The following CPTP variants were observed in gnomAD, a reference collection of about 807,000 sequenced individuals.
CPTP encodes the protein GLTP domain-containing protein 1.
A neutral mutation model predicts 5.7 loss-of-function variants in CPTP; 5 were observed. The ratio of observed to expected loss-of-function variants is 0.88; its 90% CI spans 0.46 to 1.86. CPTP has a LOEUF of 1.86. Ranked by LOEUF, CPTP falls within the 40% of genes most tolerant of loss-of-function variation. CPTP has a pLI of 0.01. For synonymous variants in CPTP, 166 were observed against 142.7 expected (o/e 1.16, Z -1.16); for missense variants, 335 against 306.5 (o/e 1.09, Z -0.69).
rs992333350 is a variant in CPTP at position 1,327,977 on chromosome 1, G to A, written c.*214G>A. ...CCACCCTCTCGGTCCGGAACAAGAC[G>A]CCTCGGCCACGGCTCCCCCTCGGCC... On this transcript the variant is annotated 3_prime_UTR_variant, in exon 3 of 3. Coordinates refer to ENST00000343938, the MANE Select transcript of CPTP (RefSeq NM_001029885.2). 2.1e-5 allele frequency: 13 copies of A among 616,332 alleles called. No homozygotes were observed. Among genetic ancestry groups the A allele is most frequent in the African/African-American group, 9.2e-5 (5 of 54,110 alleles). 38.2% of individuals were successfully genotyped at this position (616,332 alleles called of 1,614,324 possible).
intron 1 of CPTP, chr1:1,325,374 C>CT (rs1178935458): frequency 2.0e-5 from 3 of 152,358 alleles, no homozygotes; most frequent in African/African-American, 7.2e-5. Flanking sequence ...AGCCACAGCT[C>CT]TGAGAAGCTC....
In CPTP at chr1:1,327,600, C is replaced by A; in HGVS notation, c.482C>A (p.Ala161Asp). Residue 161 changes from alanine (A) to aspartate (D), a missense_variant, in exon 3 of 3, where the codon GCC becomes GAC. Physicochemically the swap from Ala to Asp is moderately radical, Grantham distance 126. Coordinates refer to ENST00000343938, the MANE Select transcript of CPTP (RefSeq NM_001029885.2). Reference sequence around the variant, plus strand: ...GTCGTGCGCCGCGCCGTCACCGTGGCCTTCTGCACGCTGCCCACACGCGAG... The same window carrying A: ...GTCGTGCGCCGCGCCGTCACCGTGGACTTCTGCACGCTGCCCACACGCGAG... Reference protein sequence around the residue: ...PWVVRRAVTVAFCTLPTREVF... With the variant: ...PWVVRRAVTVDFCTLPTREVF... 6.2e-7 allele frequency: 1 copy of A among 1,611,416 alleles called. No homozygotes were observed. The highest frequency in any genetic ancestry group is 1.3e-5 in the African/African-American group (1 of 75,044).
intron 2 of CPTP, 22 bp downstream of exon 2, chr1:1,327,054 C>A: frequency 6.2e-7 from 1 of 1,612,090 alleles, no homozygotes; most frequent in Non-Finnish European, 8.5e-7. Context: ...AGGGCTGCCT[C>A]CTGAGGTGGG....
At chr1:1,326,764 G>T (rs888980890) in intron 1 of CPTP, 72 bp from the exon 2 acceptor site, 3 of 1,070,136 alleles carry the variant, frequency 2.8e-6, no homozygotes, top group Non-Finnish European at 4.0e-6. Flanking sequence ...CTGGGAGGAA[G>T]CTCCATGAGG....
Position 1,328,198 on chromosome 1 carries a change from C to A in CPTP, c.*435C>A. On this transcript the variant is annotated 3_prime_UTR_variant, in exon 3 of 3. Coordinates refer to ENST00000343938, the MANE Select transcript of CPTP (RefSeq NM_001029885.2). ...TCTCCTTTCTGCCAGCCGATGTGTCCTCATCTCAGGCCCGTGCCTGGGACC... is the reference window on the plus strand; with the variant it reads ...TCTCCTTTCTGCCAGCCGATGTGTCATCATCTCAGGCCCGTGCCTGGGACC... 1 of 243,946 alleles carries A rather than the reference C, an allele frequency of 4.1e-6. No homozygotes were observed. 15.1% of individuals were successfully genotyped at this position (243,946 alleles called of 1,614,324 possible). A position where few individuals can be genotyped will look rare whatever the true frequency, so the allele number is the denominator to read the frequency against.
At position 1,327,921 on chromosome 1, in the gene CPTP, C is replaced by A; in HGVS notation, c.*158C>A. 1.2e-6 allele frequency: 1 copy of A among 846,524 alleles called. No individual in the cohort carries two copies. Among genetic ancestry groups the A allele is most frequent in the Non-Finnish European group, 1.8e-6 (1 of 554,830 alleles). The allele number at this position is 846,524 out of a possible 1,614,324, so 52.4% of individuals were successfully genotyped here. A position where few individuals can be genotyped will look rare whatever the true frequency, so the allele number is the denominator to read the frequency against. ...GCTGGTTAGGAACCACAGACTGTGA[C>A]AGAGAAGGTGGCGACCAGCCCAGAA... On this transcript the variant is annotated 3_prime_UTR_variant, in exon 3 of 3. Coordinates refer to ENST00000343938, the MANE Select transcript of CPTP (RefSeq NM_001029885.2).
At position 1,327,394 on chromosome 1, in the gene CPTP, G is replaced by A. The variant is rs201975981; in HGVS notation, c.276G>A (p.Val92=). The change falls in exon 3 of 3, where the codon GTG becomes GTA. Residue 92 remains valine (V), a synonymous_variant. Coordinates refer to ENST00000343938, the MANE Select transcript of CPTP (RefSeq NM_001029885.2). ...MVAHELSNRL[V]DLERRSHHPE... ...CCCACGAGCTGAGCAACCGGCTGGT[G>A]GACCTGGAGCGCCGCTCCCACCACC... 5.0e-6 allele frequency: 8 copies of A among 1,596,484 alleles called. No individual in the cohort carries two copies. The East Asian group carries it at 1.1e-4, about 22-fold the overall frequency.
intron 1 of CPTP, among the ~76,000 whole-genome samples, chr1:1,326,474 C>T (rs1395673310): frequency 6.6e-6 from 1 of 152,196 alleles, no homozygotes; most frequent in Non-Finnish European, 1.5e-5. Flanking sequence ...TCGGCAGGGG[C>T]TTAGTATTTC....
chr1:1,327,125 C>T (rs1643324393), intron 2 of CPTP, 93 bp downstream of exon 2: 2 of 1,589,316 alleles, frequency 1.3e-6, no homozygotes, highest in Non-Finnish European at 1.7e-6. Flanking sequence ...TCCCCACCAG[C>T]TTTGCTGCCC....
Position 1,327,405 on chromosome 1 carries a change from G to A in CPTP, c.287G>A (p.Arg96His), listed in dbSNP as rs746063917. ...AGCAACCGGCTGGTGGACCTGGAGC[G>A]CCGCTCCCACCACCCGGAGTCTGGC... ...ELSNRLVDLE[R>H]RSHHPESGCR... The change falls in exon 3 of 3, where the codon CGC becomes CAC. Residue 96 changes from arginine to histidine, a missense_variant. Transcript: ENST00000343938. The A allele has an allele frequency of 5.6e-5, 89 of 1,593,320 alleles. No individual in the cohort carries two copies. The East Asian group carries it at 1.5e-3, about 27-fold the overall frequency.
Sources: gnomAD v4.1 joint callset for allele counts (sites outside exome capture counted in the v4.1 genomes callset) on GRCh38, gnomAD v4.1.1 for gene constraint, MANE v1.5 for transcripts, NCBI Gene and HGNC (gene_info 2026-07-23, HGNC 2026-07-21) for gene names.